The following ANK3 variants were observed in gnomAD, a reference collection of about 807,000 sequenced individuals.
ANK3 encodes the protein ankyrin-3.
ANK3 carries 57 observed loss-of-function variants against 370.9 expected under a neutral mutation model. That is an observed-to-expected ratio of 0.15 (90% CI 0.12 to 0.19). The LOEUF is 0.19. Ranked by LOEUF, ANK3 falls within the 10% of genes least tolerant of loss-of-function variation. ANK3 has a pLI of 1.00. For synonymous variants in ANK3, 1,929 were observed against 1,946.3 expected, an observed-to-expected ratio of 0.99 and a Z score of 0.23; for missense variants, 4,439 against 5,302.1, an observed-to-expected ratio of 0.84 and a Z score of 5.06.
rs111334014 is a variant in ANK3, at chr10:60,057,613, C to A, written c.12687-1577G>T. Among the ~76,000 whole-genome samples the A allele has an allele frequency of 4.4e-3, 672 of 152,282 alleles. 3 individuals are homozygous for A. The highest frequency in any genetic ancestry group is 7.9e-3 in the Non-Finnish European group (538 of 68,026). ...TTCCCCAGTCCACATTGCTTGCCGG[C>A]GTTCTCCTACCCTGCATATTCTGAT... On this transcript the variant is annotated intron_variant, in intron 41 of 43. Coordinates refer to ENST00000280772, the MANE Select transcript of ANK3 (RefSeq NM_020987.5).
intron 37 of ANK3, 23 bp from the exon 38 acceptor site, chr10:60,068,032 TA>T (rs2081978196): frequency 6.3e-7 from 1 of 1,586,840 alleles, no homozygotes; most frequent in African/African-American, 1.3e-5. Flanking sequence ...ATTTCTTAAT[TA>T]AAATAATCAT....
At chr10:60,475,704 T>C (rs1411053086) in intron 2 of ANK3, among the ~76,000 whole-genome samples, 1 of 152,116 alleles carries the variant, frequency 6.6e-6, no homozygotes, top group Non-Finnish European at 1.5e-5. Context: ...TATTACTAAG[T>C]GATAATTATT....
chr10:60,660,104 A>G (rs1234200341), intron 1 of ANK3, among the ~76,000 whole-genome samples: 2 of 152,110 alleles, frequency 1.3e-5, no homozygotes, highest in East Asian at 3.8e-4. Context: ...CTCATGGATT[A>G]TGCCTTTCTT....
intron 23 of ANK3, among the ~76,000 whole-genome samples, chr10:60,141,359 G>T (rs2094547806): frequency 6.6e-6 from 1 of 152,048 alleles, no homozygotes; most frequent in Non-Finnish European, 1.5e-5. Context: ...GAGAACTGGG[G>T]TTGGCTGGAG....
intron 2 of ANK3, among the ~76,000 whole-genome samples, chr10:60,493,180 A>G (rs1216977989): frequency 2.6e-5 from 4 of 152,132 alleles, no homozygotes; most frequent in Non-Finnish European, 5.9e-5. Context: ...CTAAAGAGGT[A>G]AGATTTAGAA....
Position 60,072,274 on chromosome 10 carries a change from T to G in ANK3, c.8607A>C (p.Lys2869Asn), listed in dbSNP as rs1220503613. The change falls in exon 37 of 44, where the codon AAA becomes AAC. Residue 2869 changes from lysine (K) to asparagine (N), a missense_variant. Transcript: ENST00000280772. ...CATCATGAACAAGTACATGCGAAAG[T>G]TTTTCTTTCTGAGACTTATTGTTAG... ...GATNNKSQKE[K>N]LSHVLVHDVR... 2 of 1,613,968 alleles carry G rather than the reference T, an allele frequency of 1.2e-6. No individual in the cohort carries two copies. Among genetic ancestry groups the G allele is most frequent in the Non-Finnish European group, 1.7e-6 (2 of 1,180,012 alleles).
intron 43 of ANK3, among the ~76,000 whole-genome samples, chr10:60,032,200 T>A: frequency 8.7e-6 from 1 of 114,596 alleles, no homozygotes; most frequent in East Asian, 2.1e-4. Flanking sequence ...GCTTCTTTTT[T>A]TTTTTTTTTT....
At position 60,700,051 on chromosome 10, in the gene ANK3, A is replaced by G. The variant is rs1196545811; in HGVS notation, c.57+33212T>C. Reference sequence around the variant, plus strand: ...CACCTCCAGCATACATTTCTATACCATCACCTCTCTTTCCCATACCCACTC... The same window carrying G: ...CACCTCCAGCATACATTTCTATACCGTCACCTCTCTTTCCCATACCCACTC... On this transcript the variant is annotated intron_variant, in intron 1 of 43. Transcript: ENST00000373827. Among the ~76,000 whole-genome samples the G allele has an allele frequency of 2.0e-5, 3 of 152,046 alleles. No homozygotes were observed. The East Asian group carries it at 5.8e-4, about 29-fold the overall frequency.
At chr10:60,036,638 G>A (rs547428842) in intron 43 of ANK3, among the ~76,000 whole-genome samples, 5 of 151,804 alleles carry the variant, frequency 3.3e-5, no homozygotes, top group East Asian at 1.9e-4. Flanking sequence ...GGGTTTCACC[G>A]TGTTAGCCAG....
chr10:60,535,280 C>A (rs1334346297), intron 2 of ANK3, among the ~76,000 whole-genome samples: 2 of 152,004 alleles, frequency 1.3e-5, no homozygotes, highest in Non-Finnish European at 2.9e-5. Context: ...ACTATATGAG[C>A]CACATCCAGA....
chr10:60,063,390 T>TATCC, intron 39 of ANK3, 136 bp from the exon 40 acceptor site: 3 of 793,230 alleles, frequency 3.8e-6, no homozygotes, highest in Non-Finnish European at 5.7e-6. Flanking sequence ...GCAATCTCCC[T>TATCC]ATCCAGAGGA....
intron 1 of ANK3, among the ~76,000 whole-genome samples, chr10:60,664,990 T>C (rs1269681201): frequency 6.6e-6 from 1 of 152,124 alleles, no homozygotes; most frequent in Non-Finnish European, 1.5e-5. Context: ...TGTTACAAAA[T>C]TGAAACACAG....
intron 2 of ANK3, among the ~76,000 whole-genome samples, chr10:60,473,671 G>T (rs192540423): frequency 3.3e-5 from 5 of 152,084 alleles, no homozygotes; most frequent in African/African-American, 9.7e-5. Flanking sequence ...ACCTCAATAG[G>T]CTTGGGGTGA....
intron 1 of ANK3, among the ~76,000 whole-genome samples, chr10:60,280,337 G>A (rs967062341): frequency 1.3e-5 from 2 of 152,244 alleles, no homozygotes; most frequent in African/African-American, 4.8e-5. Flanking sequence ...GGGATTATAG[G>A]CATGATCCCA....
At chr10:60,273,741 G>A (rs911224335) in intron 4 of ANK3, among the ~76,000 whole-genome samples, 1 of 152,092 alleles carries the variant, frequency 6.6e-6, no homozygotes, top group Non-Finnish European at 1.5e-5. Flanking sequence ...TCATGGGGGG[G>A]GTTTCCCCCA....
chr10:60,349,573 T>C (rs2056446152), intron 1 of ANK3, among the ~76,000 whole-genome samples: 1 of 152,156 alleles, frequency 6.6e-6, no homozygotes, highest in South Asian at 2.1e-4. Flanking sequence ...TGACTTGTAA[T>C]CATTGCTCCT....
At chr10:60,723,343 C>G (rs921128771) in intron 1 of ANK3, among the ~76,000 whole-genome samples, 1 of 152,210 alleles carries the variant, frequency 6.6e-6, no homozygotes, top group African/African-American at 2.4e-5. Flanking sequence ...CAAAACATAG[C>G]ATTGAAATTC....
chr10:60,579,326 TAAAAAAAAAAAA>T (rs763281984), intron 2 of ANK3, among the ~76,000 whole-genome samples: 1 of 69,022 alleles, frequency 1.4e-5, no homozygotes, highest in East Asian at 4.1e-4. Flanking sequence ...TCTCTCTCAA[TAAAAAAAAAAAA>T]AAAAAAAAAA....
chr10:60,039,152 C>G (rs913157630), intron 43 of ANK3, among the ~76,000 whole-genome samples: 1 of 152,202 alleles, frequency 6.6e-6, no homozygotes, highest in African/African-American at 2.4e-5. Flanking sequence ...CCACTTTAAG[C>G]CAGGCAGATG....
Sources: gnomAD v4.1 joint callset for allele counts (sites outside exome capture counted in the v4.1 genomes callset) on GRCh38, gnomAD v4.1.1 for gene constraint, MANE v1.5 for transcripts, NCBI Gene and HGNC (gene_info 2026-07-23, HGNC 2026-07-21) for gene names.